Variants in FRYL observed in about 807,000 individuals in gnomAD.
The protein encoded by FRYL is FRY like transcription coactivator.
FRYL carries 150 observed loss-of-function variants against 351.2 expected under a neutral mutation model. The ratio of observed to expected loss-of-function variants is 0.43; its 90% CI spans 0.37 to 0.49. The LOEUF (loss-of-function observed/expected upper bound fraction) is 0.49. Ranked by LOEUF, FRYL falls within the 20% of genes least tolerant of loss-of-function variation. The pLI, the probability that FRYL is intolerant of heterozygous loss-of-function variation, is 0.00. For synonymous variants in FRYL, 1,153 were observed against 1,257.1 expected (o/e 0.92, Z 1.75); for missense variants, 3,036 against 3,619.3 (o/e 0.84, Z 4.13).
chr4:48,678,558 A>G (rs1764136548), intron 3 of FRYL, among the ~76,000 whole-genome samples: 1 of 151,606 alleles, frequency 6.6e-6, no homozygotes, highest in African/African-American at 2.4e-5. Flanking sequence ...TGATCAGTAC[A>G]AGTACATTGG....
intron 3 of FRYL, among the ~76,000 whole-genome samples, chr4:48,638,867 A>G (rs1284896024): frequency 2.0e-5 from 3 of 152,090 alleles, no homozygotes; most frequent in South Asian, 2.1e-4. Context: ...CAGAAAACCA[A>G]ACACCGCATA....
chr4:48,705,563 A>AG (rs1767247438), intron 2 of FRYL, among the ~76,000 whole-genome samples: 1 of 151,700 alleles, frequency 6.6e-6, no homozygotes, highest in Admixed American at 6.6e-5. Flanking sequence ...TTCTTAAAAA[A>AG]AAAAAAACAA....
Position 48,567,963 on chromosome 4 carries a change from C to T in FRYL, c.2997-543G>A, listed in dbSNP as rs1463698836. ...AAACCTTTCTATACCTATGAAATTG[C>T]CTTTAAGAATATCTGCAATGTGCTG... On this transcript the variant is annotated intron_variant, in intron 27 of 63. Transcript: ENST00000358350. This position sits in a 1 kb window ranked among gnomAD's most constrained non-coding sequence, Gnocchi z 4.2. 6.6e-6 allele frequency among the ~76,000 whole-genome samples: 1 copy of T among 152,158 alleles called. No homozygotes were observed. The highest frequency in any genetic ancestry group is 1.5e-5 in the Non-Finnish European group (1 of 68,024).
intron 3 of FRYL, among the ~76,000 whole-genome samples, chr4:48,676,063 T>G (rs1481396578): frequency 6.6e-6 from 1 of 152,130 alleles, no homozygotes; most frequent in Non-Finnish European, 1.5e-5. Flanking sequence ...GCTCAGGGAT[T>G]GTAAACGCAC....
chr4:48,638,677 G>C (rs1263709994), intron 3 of FRYL: 1 of 152,042 alleles, frequency 6.6e-6, no homozygotes, highest in Non-Finnish European at 1.5e-5. Flanking sequence ...TTGTGGCACT[G>C]TCCACGATAG....
intron 60 of FRYL, among the ~76,000 whole-genome samples, chr4:48,503,546 A>C (rs1249306610): frequency 6.6e-6 from 1 of 152,246 alleles, no homozygotes; most frequent in Non-Finnish European, 1.5e-5. Context: ...CCATCTTAAA[A>C]ACTATATGAA....
Position 48,634,280 on chromosome 4 carries a change from G to T in FRYL, c.120+11C>A. On this transcript the variant is annotated intron_variant, in intron 4 of 63. Transcript: ENST00000358350. The stretch of plus-strand genomic sequence containing the variant: ...GAAAATATTTCAGATTTATAGGTCA[G>T]CTGTACTCACCAAGGGTTCGGCCAT... 1.3e-6 allele frequency: 2 copies of T among 1,594,112 alleles called. No individual in the cohort carries two copies. The highest frequency in any genetic ancestry group is 1.7e-6 in the Non-Finnish European group (2 of 1,161,960).
At chr4:48,517,353 GAATAAT>G (rs1388976762) in intron 55 of FRYL, among the ~76,000 whole-genome samples, 1 of 151,906 alleles carries the variant, frequency 6.6e-6, no homozygotes, top group African/African-American at 2.4e-5. Context: ...ATTTTTTCTT[GAATAAT>G]AATTTCAAGA....
rs544929155 is a variant in FRYL at position 48,607,751 on chromosome 4, A to G, written c.573-1145T>C. Among the ~76,000 whole-genome samples, 56 of 152,288 alleles carry G rather than the reference A, an allele frequency of 3.7e-4. No individual in the cohort carries two copies. In the South Asian group the frequency reaches 6.2e-3, roughly 17 times the overall value. Reference sequence around the variant, plus strand: ...GCAGAAAACATCTTAGTATTGCTCTAAAGTGGCATTTCTCCTACAACTAGC... The same window carrying G: ...GCAGAAAACATCTTAGTATTGCTCTGAAGTGGCATTTCTCCTACAACTAGC... On this transcript the variant is annotated intron_variant, in intron 9 of 63. Coordinates refer to ENST00000358350, the MANE Select transcript of FRYL (RefSeq NM_015030.2).
At chr4:48,644,809 G>A (rs1024473341) in intron 3 of FRYL, among the ~76,000 whole-genome samples, 12 of 151,418 alleles carry the variant, frequency 7.9e-5, no homozygotes, top group African/African-American at 2.9e-4. Flanking sequence ...AGCCTAGAGA[G>A]CAAACCCAAA....
chr4:48,747,971 C>G (rs1158541046), intron 1 of FRYL, among the ~76,000 whole-genome samples: 2 of 152,176 alleles, frequency 1.3e-5, no homozygotes, highest in Non-Finnish European at 2.9e-5. Context: ...TCAGGCCAGG[C>G]GTGGTGGCTC....
chr4:48,619,500 C>G, intron 6 of FRYL, 130 bp from the exon 7 acceptor site: 1 of 520,328 alleles, frequency 1.9e-6, no homozygotes. Context: ...TAATATGAAG[C>G]TTTTTGTTTT....
intron 17 of FRYL, among the ~76,000 whole-genome samples, chr4:48,590,188 C>T (rs567770401): frequency 6.6e-6 from 1 of 152,090 alleles, no homozygotes; most frequent in African/African-American, 2.4e-5. Flanking sequence ...ATCAAAAAAA[C>T]GTATTCACTG....
intron 27 of FRYL, among the ~76,000 whole-genome samples, chr4:48,568,437 T>G (rs1376628843): frequency 1.3e-5 from 2 of 152,222 alleles, no homozygotes; most frequent in Non-Finnish European, 2.9e-5. Context: ...AGGATGTAAA[T>G]GAACTGCTAT....
chr4:48,547,660 A>T lies in FRYL; in HGVS notation c.4998T>A (p.Leu1666=). The change falls in exon 41 of 64, where the codon CTT becomes CTA. Residue 1666 remains leucine (L), a synonymous_variant. Transcript: ENST00000358350. ...GCTCATTAAACTCCTTGTTCCTGAGAAGGACAGAAGCAACAGTTCGGATGT... is the reference window on the plus strand; with the variant it reads ...GCTCATTAAACTCCTTGTTCCTGAGTAGGACAGAAGCAACAGTTCGGATGT... ...NSNIRTVASV[L]LRNKEFNEPR... is the part of the protein sequence containing the mutation. 6.2e-7 allele frequency: 1 copy of T among 1,608,060 alleles called. No individual in the cohort carries two copies. The highest frequency in any genetic ancestry group is 1.7e-4 in the Middle Eastern group (1 of 6,042).
At chr4:48,739,702 T>C (rs1183577137) in intron 1 of FRYL, among the ~76,000 whole-genome samples, 1 of 152,182 alleles carries the variant, frequency 6.6e-6, no homozygotes, top group Non-Finnish European at 1.5e-5. Flanking sequence ...AGGAAACTGA[T>C]AAGCTGGTAT....
At chr4:48,604,440 T>C (rs1343598308) in intron 11 of FRYL, among the ~76,000 whole-genome samples, 1 of 152,212 alleles carries the variant, frequency 6.6e-6, no homozygotes, top group Non-Finnish European at 1.5e-5. Context: ...TTAATTAAGT[T>C]AGGATCGGGA....
At chr4:48,526,048 T>C (rs1420108080) in intron 53 of FRYL, among the ~76,000 whole-genome samples, 2 of 152,118 alleles carry the variant, frequency 1.3e-5, no homozygotes, top group African/African-American at 4.8e-5. Context: ...TACATGTATA[T>C]GTACATGAGA....
intron 53 of FRYL, among the ~76,000 whole-genome samples, chr4:48,527,025 T>C (rs1726404007): frequency 6.6e-6 from 1 of 152,180 alleles, no homozygotes; most frequent in African/African-American, 2.4e-5. Context: ...TATGTATATG[T>C]ACATGAGAAT....
Sources: gnomAD v4.1 joint callset for allele counts (sites outside exome capture counted in the v4.1 genomes callset) on GRCh38, gnomAD v4.1.1 for gene constraint, Gnocchi (gnomAD v3.1) non-coding constraint, MANE v1.5 for transcripts, NCBI Gene and HGNC (gene_info 2026-07-23, HGNC 2026-07-21) for gene names.